NUP210L: variants seen among roughly 807,000 people sequenced by gnomAD.
The protein encoded by NUP210L is nucleoporin 210 like.
In NUP210L, 74 loss-of-function variants were observed where a neutral mutation model predicts 208.5. The observed-to-expected ratio is 0.35, with a 90% CI of 0.29 to 0.43. NUP210L has a LOEUF of 0.43. Ranked by LOEUF, NUP210L falls within the 20% of genes least tolerant of loss-of-function variation. The pLI is 1.00. For synonymous variants in NUP210L, 780 were observed against 816.9 expected (o/e 0.95, Z 0.77); for missense variants, 1,843 against 2,289.4 (o/e 0.81, Z 3.98).
chr1:154,140,225 C>T (rs1305951804), intron 4 of NUP210L, among the ~76,000 whole-genome samples: 4 of 151,650 alleles, frequency 2.6e-5, no homozygotes, highest in African/African-American at 4.8e-5. Context: ...GTGGCATGTG[C>T]CTGTAATTCC....
At chr1:153,992,987 T>C in intron 39 of NUP210L, 28 bp downstream of exon 39, 1 of 1,610,552 alleles carries the variant, frequency 6.2e-7, no homozygotes, top group Non-Finnish European at 8.5e-7. Flanking sequence ...TCTGAGCTTT[T>C]CAAAGATGAG....
Position 153,993,004 on chromosome 1 carries a change from G to T in NUP210L, c.5566+11C>A, listed in dbSNP as rs571645832. 1.2e-6 allele frequency: 2 copies of T among 1,612,700 alleles called. No individual in the cohort carries two copies. The highest frequency in any genetic ancestry group is 2.2e-5 in the South Asian group (2 of 90,906). ...TGAGCTTTTCAAAGATGAGGACAGAGGCTTTTTTACCTGGCTGTGGTGTTC... is the reference window on the plus strand; with the variant it reads ...TGAGCTTTTCAAAGATGAGGACAGATGCTTTTTTACCTGGCTGTGGTGTTC... On this transcript the variant is annotated intron_variant, in intron 39 of 39. Coordinates refer to ENST00000368559, the Ensembl canonical transcript of NUP210L.
Position 154,129,352 on chromosome 1 carries a change from T to G in NUP210L, c.1010-7A>C. On this transcript the variant is annotated splice_polypyrimidine_tract_variant and splice_region_variant and intron_variant, in intron 7 of 39. Coordinates refer to ENST00000368559, the Ensembl canonical transcript of NUP210L. The stretch of plus-strand genomic sequence containing the variant: ...ACAGATCGCATATGAACATCTTAAT[T>G]TTTGCTTAAGGAAATCATGTGAGCC... 1 of 1,601,692 alleles carries G rather than the reference T, an allele frequency of 6.2e-7. No homozygotes were observed. Among genetic ancestry groups the G allele is most frequent in the Non-Finnish European group, 8.5e-7 (1 of 1,171,916 alleles).
intron 12 of NUP210L, among the ~76,000 whole-genome samples, chr1:154,115,365 G>C (rs1246326689): frequency 6.6e-6 from 1 of 152,178 alleles, no homozygotes; most frequent in Non-Finnish European, 1.5e-5. Context: ...TAACTCAGCA[G>C]CTGTGGCTTG....
chr1:154,025,355 C>CTTTTTTTTTTTTTTT (rs11326284), intron 30 of NUP210L, among the ~76,000 whole-genome samples, 187 bp downstream of exon 30: 1 of 125,854 alleles, frequency 7.9e-6, no homozygotes, highest in African/African-American at 3.1e-5. Flanking sequence ...TCTTCTTCTC[C>CTTTTTTTTTTTTTTT]TTTTTTTTTT....
intron 16 of NUP210L, among the ~76,000 whole-genome samples, chr1:154,074,558 G>A (rs556166356): frequency 4.4e-4 from 65 of 148,178 alleles, no homozygotes; most frequent in Non-Finnish European, 5.8e-4. Flanking sequence ...GCACGATCTC[G>A]GCTCACTGCA....
At chr1:154,119,856 G>A (rs1167571078) in intron 10 of NUP210L, among the ~76,000 whole-genome samples, 1 of 152,126 alleles carries the variant, frequency 6.6e-6, no homozygotes, top group South Asian at 2.1e-4. Flanking sequence ...ATAAACATAC[G>A]TGTGCATGTG....
At chr1:154,030,150 T>C (rs1440239852) in intron 27 of NUP210L, 96 bp from the exon 28 acceptor site, 18 of 888,152 alleles carry the variant, frequency 2.0e-5, no homozygotes, top group Non-Finnish European at 2.7e-5. Context: ...TTTTTTTAAA[T>C]TAAAAATAAA....
chr1:154,149,087 C>CTTTTTTTTT (rs770217261), intron 2 of NUP210L, among the ~76,000 whole-genome samples: 11 of 119,340 alleles, frequency 9.2e-5, no homozygotes, highest in Non-Finnish European at 1.4e-4. Context: ...GAAAACTTCT[C>CTTTTTTTTT]TTTTTTTTTT....
Position 154,086,312 on chromosome 1 carries a change from C to T in NUP210L, c.2361+3109G>A, listed in dbSNP as rs80213006. Reference sequence around the variant, plus strand: ...CTACCTCACACCATAAAAATGAACTCAAAGTGGATCAGAGAGCTAAATGTA... The same window carrying T: ...CTACCTCACACCATAAAAATGAACTTAAAGTGGATCAGAGAGCTAAATGTA... On this transcript the variant is annotated intron_variant, in intron 16 of 39. Coordinates refer to ENST00000368559, the Ensembl canonical transcript of NUP210L. Among the ~76,000 whole-genome samples, 1,264 of 151,608 alleles carry T rather than the reference C, an allele frequency of 8.3e-3. 10 individuals are homozygous for T. The highest frequency in any genetic ancestry group is 0.013 in the Non-Finnish European group (885 of 67,888).
intron 38 of NUP210L, among the ~76,000 whole-genome samples, chr1:153,993,295 G>A (rs545193176): frequency 2.0e-5 from 3 of 152,286 alleles, no homozygotes; most frequent in East Asian, 1.9e-4. Context: ...GGCCGGGCAC[G>A]GTGGCTCACG....
Position 154,059,334 on chromosome 1 carries a change from C to CA in NUP210L, c.2851-642dup, listed in dbSNP as rs576725365. On this transcript the variant is annotated intron_variant, in intron 20 of 39. Coordinates refer to ENST00000368559, the Ensembl canonical transcript of NUP210L. ...TGGGAAACAGAGTGAGACCTTGTCT[C>CA]AAAAAAAAAAAAAAATTAGCTGGGC... Among the ~76,000 whole-genome samples, 357 of 121,590 alleles carry CA rather than the reference C, an allele frequency of 2.9e-3. 1 individual carries two copies. The highest frequency in any genetic ancestry group is 6.1e-3 in the African/African-American group (200 of 32,798). The allele number at this position is 121,590 out of a possible 152,430, so 79.8% of individuals were successfully genotyped here.
Position 154,138,258 on chromosome 1 carries a change from A to C in NUP210L, c.718-20T>G. 2.0e-6 allele frequency: 1 copy of C among 493,834 alleles called. No individual in the cohort carries two copies. The highest frequency in any genetic ancestry group is 2.7e-6 in the Non-Finnish European group (1 of 370,274). The allele number at this position is 493,834 out of a possible 1,614,324, so 30.6% of individuals were successfully genotyped here. On this transcript the variant is annotated intron_variant, in intron 5 of 39. Coordinates refer to ENST00000368559, the Ensembl canonical transcript of NUP210L. Reference sequence around the variant, plus strand: ...CACTTTCTAAAAGAGGGAGGGAAGGAAAAAAAAAAACAGTTTCCATGGACG... The same window carrying C: ...CACTTTCTAAAAGAGGGAGGGAAGGCAAAAAAAAAACAGTTTCCATGGACG...
At chr1:154,045,922 T>A in intron 27 of NUP210L, 147 bp downstream of exon 27, 1 of 635,690 alleles carries the variant, frequency 1.6e-6, no homozygotes, top group Non-Finnish European at 2.5e-6. Context: ...GAGGTGGAGG[T>A]TGCAGTGAGC....
intron 5 of NUP210L, 115 bp downstream of exon 5, chr1:154,139,687 C>CAA (rs879154434): frequency 2.2e-3 from 1,216 of 542,628 alleles, no homozygotes; most frequent in East Asian, 5.6e-3. Context: ...AACAAACAAA[C>CAA]AAAAAAAAAA....
intron 10 of NUP210L, among the ~76,000 whole-genome samples, chr1:154,125,693 GGA>G (rs1657888852): frequency 6.1e-5 from 1 of 16,332 alleles, no homozygotes; most frequent in East Asian, 1.8e-3. Context: ...AAGGAAGGAA[GGA>G]AGGAAGGAAG....
rs1286606415 is a variant in NUP210L, at chr1:154,036,313, CATGTGTGTGTGTGT to C, written c.3697-6273_3697-6260del. On this transcript the variant is annotated intron_variant, in intron 27 of 39. Transcript: ENST00000368559. ...TATTTAATGTATAGGACAGTTGGAA[CATGTGTGTGTGTGT>C]GTGTGTGTGTGTGTGTGTGTGTGTG... Among the ~76,000 whole-genome samples, 157 of 104,118 alleles carry C rather than the reference CATGTGTGTGTGTGT, an allele frequency of 1.5e-3. 2 individuals are homozygous for C. The highest frequency in any genetic ancestry group is 5.0e-3 in the East Asian group (18 of 3,622). The allele number at this position is 104,118 out of a possible 152,430, so 68.3% of individuals were successfully genotyped here. A position where few individuals can be genotyped will look rare whatever the true frequency, so the allele number is the denominator to read the frequency against.
chr1:154,111,967 G>A (rs755900715), intron 12 of NUP210L, among the ~76,000 whole-genome samples: 2 of 151,256 alleles, frequency 1.3e-5, no homozygotes, highest in Non-Finnish European at 2.9e-5. Context: ...TCACTCTGTT[G>A]CCCAGGCTGG....
At chr1:154,084,578 TA>T (rs897980595) in intron 16 of NUP210L, among the ~76,000 whole-genome samples, 1 of 152,066 alleles carries the variant, frequency 6.6e-6, no homozygotes, top group Admixed American at 6.6e-5. Context: ...GCTTTATTTT[TA>T]AAAAATTTTT....
Sources: allele counts gnomAD v4.1 joint callset (sites outside exome capture counted in the v4.1 genomes callset), GRCh38; gene constraint gnomAD v4.1.1; transcripts MANE v1.5; gene names NCBI Gene and HGNC (gene_info 2026-07-23, HGNC 2026-07-21).